Variants in NOS1 observed in about 807,000 individuals in gnomAD.
The protein encoded by NOS1 is NOS type I.
Under a neutral mutation model 164.5 loss-of-function variants are expected in NOS1, and 51 were observed. The ratio of observed to expected loss-of-function variants is 0.31; its 90% CI spans 0.25 to 0.39. The LOEUF is 0.39. Ranked by LOEUF, NOS1 falls within the 10% of genes least tolerant of loss-of-function variation. The probability of loss-of-function intolerance (pLI) is 1.00; values close to 1 mark genes in which losing one functional copy is unlikely to be tolerated. For missense variants in NOS1, 1,362 were observed against 1,885.6 expected (o/e 0.72, Z 5.14); for synonymous variants, 719 against 745.8 (o/e 0.96, Z 0.59).
Position 117,272,617 on chromosome 12 carries a change from C to T in NOS1, c.1665-58G>A. On this transcript the variant is annotated intron_variant, in intron 9 of 28. Transcript: ENST00000317775. The surrounding 1 kb of genome is among the most constrained non-coding windows in gnomAD (Gnocchi z 4.3). ...AGCAGGTGTCTCATGGGCGGGACAG[C>T]TTGAATCTAGAGATGCTGAAATGCC... The T allele has an allele frequency of 2.0e-6, 3 of 1,528,308 alleles. No homozygotes were observed. In the South Asian group the frequency reaches 3.6e-5, roughly 18 times the overall value. The allele number at this position is 1,528,308 out of a possible 1,614,324, so 94.7% of individuals were successfully genotyped here. A position where few individuals can be genotyped will look rare whatever the true frequency, so the allele number is the denominator to read the frequency against.
intron 6 of NOS1, among the ~76,000 whole-genome samples, chr12:117,285,686 A>C (rs919192391): frequency 1.3e-5 from 2 of 151,794 alleles, no homozygotes; most frequent in African/African-American, 2.4e-5. Context: ...ATCAAACAAA[A>C]CCCCCCTGAT....
chr12:117,214,174 G>A lies in NOS1; in HGVS notation c.*1135C>T. On this transcript the variant is annotated 3_prime_UTR_variant, in exon 29 of 29. Coordinates refer to ENST00000317775, the MANE Select transcript of NOS1 (RefSeq NM_000620.5). ...CCATTATTTCATCCCCAAGGGTGAA[G>A]CAGCAAGCCCGCTTTGGGGGAATAA... The A allele has an allele frequency of 1.0e-6, 1 of 985,370 alleles. No individual in the cohort carries two copies. Among genetic ancestry groups the A allele is most frequent in the Non-Finnish European group, 1.2e-6 (1 of 829,926 alleles). 61.0% of individuals were successfully genotyped at this position (985,370 alleles called of 1,614,324 possible). A position where few individuals can be genotyped will look rare whatever the true frequency, so the allele number is the denominator to read the frequency against.
chr12:117,235,236 T>G (rs1204829466), intron 20 of NOS1, among the ~76,000 whole-genome samples: 2 of 152,120 alleles, frequency 1.3e-5, no homozygotes, highest in Admixed American at 6.5e-5. Flanking sequence ...ACACTGAGGC[T>G]TTTATCAAGG....
At chr12:117,290,496 G>A (rs1872973429) in intron 3 of NOS1, 70 bp from the exon 4 acceptor site, 27 of 1,515,420 alleles carry the variant, frequency 1.8e-5, no homozygotes, top group Non-Finnish European at 2.1e-5. Context: ...CTCCACAGAG[G>A]CTGGGAGAGC....
At chr12:117,355,601 C>G (rs1234407632) in intron 1 of NOS1, among the ~76,000 whole-genome samples, 2 of 152,130 alleles carry the variant, frequency 1.3e-5, no homozygotes, top group Non-Finnish European at 2.9e-5. Flanking sequence ...AAAAAGCCCT[C>G]TGCCAGACTA....
In NOS1 at chr12:117,231,872, G is replaced by C; in HGVS notation, c.3405+90C>G. 5.8e-6 allele frequency: 8 copies of C among 1,371,364 alleles called. No individual in the cohort carries two copies. The South Asian group carries it at 9.4e-5, about 16-fold the overall frequency. 84.9% of individuals were successfully genotyped at this position (1,371,364 alleles called of 1,614,324 possible). A position where few individuals can be genotyped will look rare whatever the true frequency, so the allele number is the denominator to read the frequency against. On this transcript the variant is annotated intron_variant, in intron 22 of 28. Transcript: ENST00000317775. ...CCCCCTTGGCTCAAGACTTCCATCT[G>C]CTGGAAGCCTGGTAATAACAGTTTT... is the stretch of plus-strand genomic sequence containing the variant.
intron 1 of NOS1, among the ~76,000 whole-genome samples, chr12:117,334,088 G>C (rs557435672): frequency 2.0e-5 from 3 of 152,348 alleles, no homozygotes; most frequent in African/African-American, 7.2e-5. Context: ...GCGGGAATTA[G>C]CCTTTGGTGT....
chr12:117,208,728 C>CTTTTT lies in NOS1; in HGVS notation c.*6576_*6580dup, dbSNP rs10644899. On this transcript the variant is annotated 3_prime_UTR_variant, in exon 29 of 29. Coordinates refer to ENST00000317775, the MANE Select transcript of NOS1 (RefSeq NM_000620.5). ...CATCCTCTGTTCTGGCATGGGAGGG[C>CTTTTT]TTTTTTTTTTTTTTCCACAGGGTCT... 723 of 927,170 alleles carry CTTTTT rather than the reference C, an allele frequency of 7.8e-4. 3 individuals are homozygous for CTTTTT. The African/African-American group carries it at 0.012, about 15-fold the overall frequency. The allele number at this position is 927,170 out of a possible 1,614,324, so 57.4% of individuals were successfully genotyped here.
In NOS1 at chr12:117,234,340, T is replaced by C. The variant is rs1869520622; in HGVS notation, c.3235+225A>G. Among the ~76,000 whole-genome samples, 1 of 152,184 alleles carries C rather than the reference T, an allele frequency of 6.6e-6. No homozygotes were observed. Among genetic ancestry groups the C allele is most frequent in the African/African-American group, 2.4e-5 (1 of 41,444 alleles). ...GGTAGCAGCCCCCTTTTTTCAATGG[T>C]GAGCCATCAATGGCCTGGCACTATG... On this transcript the variant is annotated intron_variant, in intron 21 of 28. Transcript: ENST00000317775. The surrounding 1 kb of genome is among the most constrained non-coding windows in gnomAD (Gnocchi z 4.3).
intron 22 of NOS1, among the ~76,000 whole-genome samples, chr12:117,228,877 G>A (rs979922949): frequency 6.6e-6 from 1 of 152,114 alleles, no homozygotes; most frequent in Non-Finnish European, 1.5e-5. Flanking sequence ...GCCTCCCGGG[G>A]TTCACGCCAT....
chr12:117,264,036 G>C (rs1355250681), intron 12 of NOS1, 62 bp from the exon 13 acceptor site: 67 of 1,380,016 alleles, frequency 4.9e-5, no homozygotes, highest in Non-Finnish European at 6.7e-5. Flanking sequence ...GTTCCTGTTG[G>C]GGATGCTCAG....
intron 3 of NOS1, among the ~76,000 whole-genome samples, chr12:117,302,466 C>T (rs1487844107): frequency 2.0e-5 from 3 of 151,802 alleles, no homozygotes; most frequent in South Asian, 2.1e-4. Context: ...AGGTGGCGGG[C>T]GCCTGTAGTC....
intron 2 of NOS1, among the ~76,000 whole-genome samples, chr12:117,323,768 C>T (rs1285991388): frequency 6.6e-6 from 1 of 151,948 alleles, no homozygotes; most frequent in Non-Finnish European, 1.5e-5. Flanking sequence ...CCTAGTGTCC[C>T]TTTAATTTTT....
intron 8 of NOS1, among the ~76,000 whole-genome samples, chr12:117,279,872 T>C (rs936062589): frequency 1.4e-4 from 21 of 152,162 alleles, no homozygotes; most frequent in African/African-American, 4.1e-4. Context: ...AAAAGCCACA[T>C]GCAAATGAAG....
intron 1 of NOS1, among the ~76,000 whole-genome samples, chr12:117,340,873 ATTTTTTTTTT>A (rs56322341): frequency 4.2e-4 from 44 of 104,482 alleles, no homozygotes; most frequent in African/African-American, 1.6e-3. Flanking sequence ...ACACCTGGCT[ATTTTTTTTTT>A]TTTTTTTTTT....
chr12:117,229,417 T>C (rs1442898970), intron 22 of NOS1, among the ~76,000 whole-genome samples: 2 of 152,218 alleles, frequency 1.3e-5, no homozygotes, highest in Non-Finnish European at 2.9e-5. Flanking sequence ...TGAGGTCTGA[T>C]GGTTCTCCCA....
At chr12:117,331,652 C>T (rs568715674) in intron 1 of NOS1, among the ~76,000 whole-genome samples, 163 bp from the exon 2 acceptor site, 9 of 152,326 alleles carry the variant, frequency 5.9e-5, no homozygotes, top group African/African-American at 2.2e-4. Context: ...CAAAATCCTT[C>T]TTCCTGGAGG....
chr12:117,246,607 T>C (rs1474537237), intron 18 of NOS1, among the ~76,000 whole-genome samples: 1 of 152,148 alleles, frequency 6.6e-6, no homozygotes, highest in African/African-American at 2.4e-5. Flanking sequence ...TGAAAAACTT[T>C]TTTATCTATT....
At chr12:117,254,915 T>A (rs1871326323) in intron 16 of NOS1, among the ~76,000 whole-genome samples, 1 of 152,170 alleles carries the variant, frequency 6.6e-6, no homozygotes, top group Non-Finnish European at 1.5e-5. Context: ...TCTATCAAAT[T>A]TCACATTTCA....
Sources: allele counts gnomAD v4.1 joint callset (sites outside exome capture counted in the v4.1 genomes callset), GRCh38; gene constraint gnomAD v4.1.1; non-coding constraint Gnocchi (gnomAD v3.1); transcripts MANE v1.5; gene names NCBI Gene and HGNC (gene_info 2026-07-23, HGNC 2026-07-21).